SLC10A2: variants seen among roughly 807,000 people sequenced by gnomAD.
SLC10A2 encodes the protein ileal sodium/bile acid cotransporter.
A neutral mutation model predicts 27.1 loss-of-function variants in SLC10A2; 34 were observed. The observed-to-expected ratio is 1.26, with a 90% confidence interval of 0.96 to 1.67. The LOEUF (loss-of-function observed/expected upper bound fraction) is 1.67, where lower values mean the gene tolerates loss of function less well. SLC10A2 is among the 40% of genes most tolerant of loss of function. The probability of loss-of-function intolerance (pLI) is 0.00; values close to 1 mark genes in which losing one functional copy is unlikely to be tolerated. For missense variants in SLC10A2, 530 were observed against 444.4 expected (o/e 1.19, Z -1.73); for synonymous variants, 205 against 174.0 (o/e 1.18, Z -1.40).
intron 2 of SLC10A2, among the ~76,000 whole-genome samples, chr13:103,055,960 C>T (rs772467130): frequency 1.3e-5 from 2 of 152,210 alleles, no homozygotes; most frequent in African/African-American, 2.4e-5. Context: ...GTCCTCTTTT[C>T]CTTTGTTGTC....
intron 1 of SLC10A2, among the ~76,000 whole-genome samples, chr13:103,063,208 ATT>A (rs57664561): frequency 0.088 from 13,142 of 150,010 alleles, 580 homozygotes; most frequent in South Asian, 0.11. Context: ...ACTATTGTCT[ATT>A]TTTTTTTTGT....
chr13:103,047,831 T>C (rs868019119), intron 5 of SLC10A2, among the ~76,000 whole-genome samples: 2 of 152,072 alleles, frequency 1.3e-5, no homozygotes, highest in Non-Finnish European at 2.9e-5. Flanking sequence ...ACCAGTCCAC[T>C]TTCTCTGGCT....
intron 2 of SLC10A2, among the ~76,000 whole-genome samples, chr13:103,056,582 C>T (rs1304639156): frequency 6.6e-6 from 1 of 151,970 alleles, no homozygotes; most frequent in East Asian, 1.9e-4. Context: ...AATCAAAATT[C>T]CTCACTCAGC....
Position 103,045,917 on chromosome 13 carries a change from A to T in SLC10A2, c.*216T>A, listed in dbSNP as rs201027991. On this transcript the variant is annotated 3_prime_UTR_variant, in exon 6 of 6. Coordinates refer to ENST00000245312, the MANE Select transcript of SLC10A2 (RefSeq NM_000452.3). ...TATATCTATATGAGTATACATACAT[A>T]TATAAAACATATACATATATATAGG... is the stretch of plus-strand genomic sequence containing the variant. 2.0e-6 allele frequency: 1 copy of T among 502,872 alleles called. No individual in the cohort carries two copies. Among genetic ancestry groups the T allele is most frequent in the Non-Finnish European group, 3.6e-6 (1 of 280,558 alleles). The allele number at this position is 502,872 out of a possible 1,614,324, so 31.2% of individuals were successfully genotyped here.
intron 1 of SLC10A2, among the ~76,000 whole-genome samples, chr13:103,062,681 A>G (rs559050231): frequency 3.9e-5 from 6 of 152,274 alleles, no homozygotes; most frequent in African/African-American, 1.4e-4. Flanking sequence ...GATTTCTTGA[A>G]TATCTAAAAT....
rs148094314 is a variant in SLC10A2 at position 103,049,440 on chromosome 13, T to A, written c.768A>T (p.Arg256=). The change falls in exon 5 of 6, where the codon CGA becomes CGT. Residue 256 remains arginine, a synonymous_variant. Transcript: ENST00000245312. ...GCATCCCCGTTTCAAAAGCAACCGT[T>A]CGGCACCTAAAGAAGATGTTAAGAG... The part of the protein sequence containing the change: ...RIAGLPWYRC[R]TVAFETGMQN... 3.7e-6 allele frequency: 6 copies of A among 1,613,796 alleles called. No homozygotes were observed. The highest frequency in any genetic ancestry group is 2.7e-5 in the African/African-American group (2 of 74,886).
At position 103,051,423 on chromosome 13, in the gene SLC10A2, T is replaced by G; in HGVS notation, c.595A>C (p.Ile199Leu). 6.2e-7 allele frequency: 1 copy of G among 1,613,910 alleles called. No homozygotes were observed. ...KAKIILKIGS[I>L]AGAILIVLIA... ...AGCACAATGAGGATGGCGCCCGCGA[T>G]GGACCCAATCTGAAAAAAAAAGGAA... Residue 199 changes from isoleucine (I) to leucine (L), a missense_variant, in exon 4 of 6, where the codon ATC becomes CTC. Ile to Leu is a conservative substitution (Grantham distance 5). Coordinates refer to ENST00000245312, the MANE Select transcript of SLC10A2 (RefSeq NM_000452.3).
At chr13:103,049,211 G>A in intron 5 of SLC10A2, 78 bp downstream of exon 5, 2 of 1,509,970 alleles carry the variant, frequency 1.3e-6, no homozygotes, top group Non-Finnish European at 9.2e-7. Context: ...GGAACGGGGA[G>A]TTTTAAAAAA....
At chr13:103,052,304 AT>A (rs1875805883) in intron 3 of SLC10A2, among the ~76,000 whole-genome samples, 2 of 152,096 alleles carry the variant, frequency 1.3e-5, no homozygotes, top group South Asian at 4.1e-4. Flanking sequence ...ATGGGTAGAA[AT>A]TTTTCCTGTG....
chr13:103,051,330 C>T lies in SLC10A2; in HGVS notation c.688G>A (p.Gly230Arg), dbSNP rs1337600452. Residue 230 changes from glycine to arginine, a missense_variant, in exon 4 of 6, where the codon GGA (glycine) becomes AGA (arginine). By Grantham distance (125) the Gly-to-Arg change is moderately radical. Transcript: ENST00000245312. Reference protein sequence around the residue: ...WIIAPKLWIIGTIFPVAGYSL... With the variant: ...WIIAPKLWIIRTIFPVAGYSL... ...TAACCCGCCACAGGAAATATTGTTCCTATAATCCACAGTTTGGGAGCAATG... is the reference window on the plus strand; with the variant it reads ...TAACCCGCCACAGGAAATATTGTTCTTATAATCCACAGTTTGGGAGCAATG... The T allele has an allele frequency of 2.5e-6, 4 of 1,613,950 alleles. No individual in the cohort carries two copies. The highest frequency in any genetic ancestry group is 1.7e-5 in the Admixed American group (1 of 59,984).
intron 5 of SLC10A2, 121 bp from the exon 6 acceptor site, chr13:103,046,381 T>C (rs1875612322): frequency 2.4e-6 from 2 of 819,426 alleles, no homozygotes; most frequent in Non-Finnish European, 3.9e-6. Flanking sequence ...GACTGGAGGC[T>C]GCTTAGAGAA....
chr13:103,052,439 C>CCT (rs3831178), intron 3 of SLC10A2, among the ~76,000 whole-genome samples, 181 bp downstream of exon 3: 133,380 of 151,462 alleles, frequency 0.88, 58,896 homozygotes, highest in African/African-American at 0.93. Context: ...TGAGATCCCA[C>CCT]CTCTCTCTCT....
In SLC10A2 at chr13:103,058,372, T is replaced by A. The variant is rs765985664; in HGVS notation, c.388A>T (p.Thr130Ser). The change falls in exon 2 of 6, where the codon ACC becomes TCC. Residue 130 changes from threonine to serine, a missense_variant. Transcript: ENST00000245312. ...AGGGCAAGCAGTGTGGAGCATGTGG[T>A]CATGCTGACGCTGAAAGGCAATGGG... ...DGDMDLSVSM[T>S]TCSTLLALGM... 8.7e-6 allele frequency: 14 copies of A among 1,606,750 alleles called. No individual in the cohort carries two copies. In the East Asian group the frequency reaches 2.9e-4, roughly 33 times the overall value.
chr13:103,066,048 T>C lies in SLC10A2; in HGVS notation c.202A>G (p.Ile68Val). Residue 68 changes from isoleucine to valine, a missense_variant, in exon 1 of 6, where the codon ATT becomes GTT. Ile to Val is a conservative substitution (Grantham distance 29). Transcript: ENST00000245312. ...AACTGACAGAGGAAGCCAACACAAA[T>C]GCCCCACGGCCGCTTTATGTGCCCT... ...FLGHIKRPWG[I>V]CVGFLCQFGI... is the part of the protein sequence containing the mutation. 6.2e-7 allele frequency: 1 copy of C among 1,614,148 alleles called. No individual in the cohort carries two copies. Among genetic ancestry groups the C allele is most frequent in the Non-Finnish European group, 8.5e-7 (1 of 1,180,008 alleles).
rs202184362 is a variant in SLC10A2 at position 103,058,347 on chromosome 13, A to T, written c.413T>A (p.Leu138His). The change falls in exon 2 of 6, where the codon CTC becomes CAC. Residue 138 changes from leucine to histidine, a missense_variant. Coordinates refer to ENST00000245312, the MANE Select transcript of SLC10A2 (RefSeq NM_000452.3). ...AAGGAGGCACAGCGGCATCATTCCG[A>T]GGGCAAGCAGTGTGGAGCATGTGGT... Reference protein sequence around the residue: ...SMTTCSTLLALGMMPLCLLIY... With the variant: ...SMTTCSTLLAHGMMPLCLLIY... 3 of 1,613,730 alleles carry T rather than the reference A, an allele frequency of 1.9e-6. No homozygotes were observed. In the African/African-American group the frequency reaches 4.0e-5, roughly 22 times the overall value.
rs770679759 is a variant in SLC10A2 at position 103,046,221 on chromosome 13, G to A, written c.959C>T (p.Ala320Val). The A allele has an allele frequency of 6.2e-7, 1 of 1,613,338 alleles. No homozygotes were observed. The highest frequency in any genetic ancestry group is 8.5e-7 in the Non-Finnish European group (1 of 1,179,474). Residue 320 changes from alanine (A) to valine (V), a missense_variant, in exon 6 of 6, where the codon GCA (alanine) becomes GTA (valine). Ala to Val is a moderately conservative substitution (Grantham distance 64). Transcript: ENST00000245312. ...ATTTTCTTTGCTCTCTGGAATTTCT[G>A]CCTTGTTTTTTCCATGACATTTCTT... ...AYKKCHGKNK[A>V]EIPESKENGT...
intron 4 of SLC10A2, 60 bp from the exon 5 acceptor site, chr13:103,049,506 A>G (rs1043219407): frequency 6.5e-7 from 1 of 1,549,012 alleles, no homozygotes; most frequent in Admixed American, 1.7e-5. Context: ...AAACATGAAA[A>G]GCAGATATAA....
At chr13:103,056,524 G>T (rs1485172527) in intron 2 of SLC10A2, among the ~76,000 whole-genome samples, 2 of 152,074 alleles carry the variant, frequency 1.3e-5, no homozygotes, top group Non-Finnish European at 2.9e-5. Flanking sequence ...ATCAAAAGGA[G>T]AATATTTTAT....
chr13:103,057,946 A>C (rs1005852080), intron 2 of SLC10A2, among the ~76,000 whole-genome samples: 1 of 151,738 alleles, frequency 6.6e-6, no homozygotes, highest in Non-Finnish European at 1.5e-5. Flanking sequence ...AACTAGTGAC[A>C]CTCTGGGTTA....
Sources: gnomAD v4.1 joint callset for allele counts (sites outside exome capture counted in the v4.1 genomes callset) on GRCh38, gnomAD v4.1.1 for gene constraint, MANE v1.5 for transcripts, NCBI Gene and HGNC (gene_info 2026-07-23, HGNC 2026-07-21) for gene names.